BTBD16: variants seen among roughly 807,000 people sequenced by gnomAD.
BTBD16 encodes BTB/POZ domain-containing protein 16.
A neutral mutation model predicts 67.4 loss-of-function variants in BTBD16; 66 were observed. The observed-to-expected ratio is 0.98, with a 90% CI of 0.80 to 1.20. BTBD16 has a LOEUF of 1.20. Ranked by LOEUF, BTBD16 falls within the 50% of genes most tolerant of loss-of-function variation. The probability of loss-of-function intolerance (pLI) is 0.00; values close to 1 mark genes in which losing one functional copy is unlikely to be tolerated. For missense variants in BTBD16, 634 were observed against 616.0 expected (o/e 1.03, Z -0.31); for synonymous variants, 242 against 236.4 (o/e 1.02, Z -0.22).
intron 10 of BTBD16, among the ~76,000 whole-genome samples, chr10:122,321,473 A>G (rs945727029): frequency 6.6e-6 from 1 of 152,230 alleles, no homozygotes; most frequent in African/African-American, 2.4e-5. Context: ...CATTCCCACC[A>G]ACAGTGTGTA....
intron 10 of BTBD16, chr10:122,328,756 G>A (rs2096449814): frequency 1.0e-6 from 1 of 985,306 alleles, no homozygotes; most frequent in Non-Finnish European, 1.2e-6. Context: ...TGTGAAGTGA[G>A]TTATTTCAAA....
chr10:122,310,258 GAGA>G lies in BTBD16; in HGVS notation c.911+2958_911+2960del, dbSNP rs549998960. 5.3e-5 allele frequency among the ~76,000 whole-genome samples: 8 copies of G among 152,346 alleles called. No homozygotes were observed. In the East Asian group the frequency reaches 1.4e-3, roughly 26 times the overall value. ...GATTCTCAGCTTTTCTGTAGGCTCT[GAGA>G]AGAAGAATGTCGCAGTAGATTAGCG... On this transcript the variant is annotated intron_variant, in intron 10 of 15. Coordinates refer to ENST00000260723, the MANE Select transcript of BTBD16 (RefSeq NM_144587.5).
At chr10:122,273,329 A>G (rs1230833557) in intron 1 of BTBD16, among the ~76,000 whole-genome samples, 1 of 151,772 alleles carries the variant, frequency 6.6e-6, no homozygotes, top group East Asian at 1.9e-4. Flanking sequence ...ACAAACTGCC[A>G]TAATAATGTG....
At chr10:122,332,565 G>C in intron 13 of BTBD16, 52 bp downstream of exon 13, 1 of 1,569,264 alleles carries the variant, frequency 6.4e-7, no homozygotes, top group Non-Finnish European at 8.8e-7. Flanking sequence ...CTCGTGCTTA[G>C]TTAAGAACCT....
intron 11 of BTBD16, 76 bp downstream of exon 11, chr10:122,329,647 G>A (rs1162140248): frequency 2.4e-6 from 3 of 1,241,146 alleles, no homozygotes; most frequent in African/African-American, 1.5e-5. Flanking sequence ...ACTGCCGGGG[G>A]AGCCCCACCT....
chr10:122,325,421 T>C (rs1264385025), intron 10 of BTBD16, among the ~76,000 whole-genome samples: 1 of 152,098 alleles, frequency 6.6e-6, no homozygotes. Context: ...CCTCTGCCAT[T>C]CACTGCCTGT....
chr10:122,307,108 C>G, intron 9 of BTBD16, 81 bp from the exon 10 acceptor site: 1 of 1,489,258 alleles, frequency 6.7e-7, no homozygotes, highest in Non-Finnish European at 9.0e-7. Flanking sequence ...CATTCCCAAA[C>G]TCATTCTAAC....
chr10:122,297,981 C>A, intron 8 of BTBD16, 144 bp downstream of exon 8: 1 of 695,386 alleles, frequency 1.4e-6, no homozygotes, highest in Admixed American at 2.9e-5. Context: ...CACATGAACA[C>A]ATTTGTGTGT....
At chr10:122,295,411 A>G (rs751423734) in intron 7 of BTBD16, 183 of 985,324 alleles carry the variant, frequency 1.9e-4, no homozygotes, top group Admixed American at 9.8e-4. Context: ...AGCCCAGGTT[A>G]TGCAGGATCT....
chr10:122,304,887 G>A (rs1388876819), intron 9 of BTBD16, among the ~76,000 whole-genome samples: 2 of 152,128 alleles, frequency 1.3e-5, no homozygotes, highest in African/African-American at 2.4e-5. Flanking sequence ...ATTTATGGAG[G>A]AGAGGCCTCA....
intron 10 of BTBD16, among the ~76,000 whole-genome samples, chr10:122,321,199 G>A (rs1207747954): frequency 6.6e-6 from 1 of 152,144 alleles, no homozygotes; most frequent in Non-Finnish European, 1.5e-5. Flanking sequence ...ATTTTTTAAT[G>A]GCTGTGTGGG....
intron 3 of BTBD16, 129 bp from the exon 4 acceptor site, chr10:122,283,722 A>G: frequency 1.4e-6 from 1 of 707,752 alleles, no homozygotes; most frequent in South Asian, 1.8e-5. Context: ...AAACTCTTCC[A>G]AAGGGCGAGA....
At chr10:122,306,983 C>T (rs565832960) in intron 9 of BTBD16, among the ~76,000 whole-genome samples, 1 of 152,232 alleles carries the variant, frequency 6.6e-6, no homozygotes, top group Non-Finnish European at 1.5e-5. Flanking sequence ...GCCCTAGTGT[C>T]AGGCTGCTGA....
chr10:122,312,292 CTTTTCT>C, intron 10 of BTBD16, among the ~76,000 whole-genome samples: 4 of 145,514 alleles, frequency 2.7e-5, no homozygotes, highest in Non-Finnish European at 6.0e-5. Context: ...CAGTCTTTCA[CTTTTCT>C]TTTTCTTTTT....
At chr10:122,284,027 G>C (rs2096358431) in intron 4 of BTBD16, 103 bp downstream of exon 4, 1 of 823,850 alleles carries the variant, frequency 1.2e-6, no homozygotes, top group African/African-American at 1.7e-5. Context: ...GGGCGCTAGT[G>C]TATAAGTTGC....
In BTBD16 at chr10:122,328,784, G is replaced by A. The variant is rs904572186; in HGVS notation, c.912-696G>A. 15 of 985,280 alleles carry A rather than the reference G, an allele frequency of 1.5e-5. No homozygotes were observed. In the South Asian group the frequency reaches 2.8e-4, roughly 19 times the overall value. The allele number at this position is 985,280 out of a possible 1,614,324, so 61.0% of individuals were successfully genotyped here. A position where few individuals can be genotyped will look rare whatever the true frequency, so the allele number is the denominator to read the frequency against. On this transcript the variant is annotated intron_variant, in intron 10 of 15. Transcript: ENST00000260723. ...ATTTCAAAAGAAGGGCAGGGAATGC[G>A]TGTCTGTGTGTGCGTGTCTTCTCAA...
chr10:122,298,988 C>CT lies in BTBD16; in HGVS notation c.661-8dup, dbSNP rs567079652. 95 of 1,611,872 alleles carry CT rather than the reference C, an allele frequency of 5.9e-5. No homozygotes were observed. The highest frequency in any genetic ancestry group is 2.0e-4 in the East Asian group (9 of 44,848). On this transcript the variant is annotated splice_polypyrimidine_tract_variant and intron_variant, in intron 8 of 15. Transcript: ENST00000260723. ...GCTCAGGACTTCCTTCATCAACTGGCTTTTTTTTGTCTTAGTACAAGGAAG... is the reference window on the plus strand; with the variant it reads ...GCTCAGGACTTCCTTCATCAACTGGCTTTTTTTTTGTCTTAGTACAAGGAAG...
At chr10:122,300,628 T>C (rs1049171761) in intron 9 of BTBD16, among the ~76,000 whole-genome samples, 3 of 152,204 alleles carry the variant, frequency 2.0e-5, no homozygotes, top group East Asian at 3.8e-4. Flanking sequence ...GAAATTTACA[T>C]TGATGTAATA....
At chr10:122,321,101 G>A (rs10887127) in intron 10 of BTBD16, among the ~76,000 whole-genome samples, 5,966 of 152,130 alleles carry the variant, frequency 0.039, 362 homozygotes, top group East Asian at 0.22. Context: ...GAGAACATAC[G>A]GTATTTGGTT....
Sources: allele counts gnomAD v4.1 joint callset (sites outside exome capture counted in the v4.1 genomes callset), GRCh38; gene constraint gnomAD v4.1.1; transcripts MANE v1.5; gene names NCBI Gene and HGNC (gene_info 2026-07-23, HGNC 2026-07-21).